Variants in SH3D19 observed in about 807,000 individuals in gnomAD.
The protein encoded by SH3D19 is SH3 domain containing 19.
Under a neutral mutation model 112.1 loss-of-function variants are expected in SH3D19, and 58 were observed. The observed-to-expected ratio is 0.52, with a 90% CI of 0.42 to 0.64. The LOEUF is 0.64. Among genes scored for constraint, SH3D19 ranks in the 30% least tolerant of loss-of-function variants. The pLI, the probability that SH3D19 is intolerant of heterozygous loss-of-function variation, is 0.00. For missense variants in SH3D19, 1,090 were observed against 1,263.4 expected (o/e 0.86, Z 2.08); for synonymous variants, 391 against 448.5 (o/e 0.87, Z 1.62).
At chr4:151,280,099 C>A in intron 1 of SH3D19, 1 of 988,100 alleles carries the variant, frequency 1.0e-6, no homozygotes, top group Non-Finnish European at 1.5e-6. Flanking sequence ...CTATCAAACC[C>A]GAAACAACTA....
chr4:151,132,930 T>TA (rs1751032001), intron 16 of SH3D19, 104 bp downstream of exon 16: 4 of 1,004,326 alleles, frequency 4.0e-6, no homozygotes, highest in African/African-American at 1.6e-5. Context: ...CCTTCTACCG[T>TA]AAAAATATGG....
intron 1 of SH3D19, among the ~76,000 whole-genome samples, chr4:151,287,528 C>T (rs1460875312): frequency 1.3e-5 from 2 of 151,910 alleles, no homozygotes; most frequent in Admixed American, 6.6e-5. Flanking sequence ...ACCGGAATGC[C>T]GATTTCATGT....
intron 7 of SH3D19, among the ~76,000 whole-genome samples, chr4:151,168,618 A>G (rs1183292506): frequency 6.6e-6 from 1 of 151,920 alleles, no homozygotes; most frequent in Non-Finnish European, 1.5e-5. Flanking sequence ...TTTTTTGTAG[A>G]GATGAGGTTT....
chr4:151,164,814 G>A (rs944849068), intron 8 of SH3D19, among the ~76,000 whole-genome samples: 1 of 152,084 alleles, frequency 6.6e-6, no homozygotes, highest in Non-Finnish European at 1.5e-5. Context: ...TCTTGACCTC[G>A]TGATCCACCT....
chr4:151,302,082 C>A (rs753977523), intron 1 of SH3D19, among the ~76,000 whole-genome samples: 1 of 152,164 alleles, frequency 6.6e-6, no homozygotes, highest in South Asian at 2.1e-4. Context: ...ACTCAAGGTA[C>A]CATGTAACTT....
intron 1 of SH3D19, among the ~76,000 whole-genome samples, chr4:151,305,777 T>C (rs1017869995): frequency 5.3e-5 from 8 of 152,234 alleles, no homozygotes; most frequent in Non-Finnish European, 1.2e-4. Context: ...AAATTTATTA[T>C]AAAGTTAAAT....
chr4:151,148,110 G>A lies in SH3D19; in HGVS notation c.1894C>T (p.Leu632Phe). The change falls in exon 11 of 20, where the codon CTT (leucine) becomes TTT (phenylalanine). Residue 632 changes from leucine (L) to phenylalanine (F), a missense_variant. By Grantham distance (22) the Leu-to-Phe change is conservative (BLOSUM62 0). Coordinates refer to ENST00000604030, the MANE Select transcript of SH3D19 (RefSeq NM_001378122.1). ...TTATTAGATCTTCTGGTTGCAGAAA[G>A]CTTTGGGGGAGGTGGTCTCTCAGGG... Reference protein sequence around the residue: ...VPPERPPPPKLSATRRSNKKL... With the variant: ...VPPERPPPPKFSATRRSNKKL... 6.2e-7 allele frequency: 1 copy of A among 1,614,104 alleles called. No homozygotes were observed. Among genetic ancestry groups the A allele is most frequent in the Middle Eastern group, 1.6e-4 (1 of 6,062 alleles).
chr4:151,210,310 T>C lies in SH3D19; in HGVS notation c.152+15737A>G, dbSNP rs140287148. ...GTCTGATAATAGAAAAAGTTTGGTA[T>C]ACTACATGATGAAATGCCATGAAAA... On this transcript the variant is annotated intron_variant, in intron 2 of 19. Transcript: ENST00000604030. Among the ~76,000 whole-genome samples, 222 of 152,170 alleles carry C rather than the reference T, an allele frequency of 1.5e-3. 4 individuals carry two copies. The East Asian group carries it at 0.022, about 15-fold the overall frequency.
rs141035975 is a variant in SH3D19, at chr4:151,139,836, G to A, written c.2235C>T (p.His745=). Residue 745 remains histidine (H), a synonymous_variant, in exon 13 of 20, where the codon CAC becomes CAT. Transcript: ENST00000604030. The part of the protein sequence containing the change: ...HLRSRPNDPS[H]AQKPVDSGAP... ...CACCACTGTCAACAGGCTTCTGAGCGTGGCTTGGATCCTTAGGGGGAGAAA... is the reference window on the plus strand; with the variant it reads ...CACCACTGTCAACAGGCTTCTGAGCATGGCTTGGATCCTTAGGGGGAGAAA... 254 of 1,614,008 alleles carry A rather than the reference G, an allele frequency of 1.6e-4. No homozygotes were observed. The highest frequency in any genetic ancestry group is 1.9e-4 in the Non-Finnish European group (220 of 1,180,000).
chr4:151,180,511 A>C (rs1259624831), intron 3 of SH3D19, among the ~76,000 whole-genome samples: 1 of 144,572 alleles, frequency 6.9e-6, no homozygotes, highest in Non-Finnish European at 1.5e-5. Context: ...GGTTCACACC[A>C]TTCTCTTGCC....
chr4:151,175,786 A>T (rs748830426), intron 6 of SH3D19, 112 bp from the exon 7 acceptor site: 2 of 1,054,832 alleles, frequency 1.9e-6, no homozygotes, highest in African/African-American at 3.3e-5. Flanking sequence ...ATGGAATATC[A>T]AGAGATTTTG....
chr4:151,307,831 C>T (rs17690584), intron 1 of SH3D19, among the ~76,000 whole-genome samples: 6,827 of 152,306 alleles, frequency 0.045, 372 homozygotes, highest in African/African-American at 0.11. Flanking sequence ...TGCCTTCCAA[C>T]CTTGTGTACA....
At chr4:151,123,397 C>T (rs181283640) in intron 19 of SH3D19, among the ~76,000 whole-genome samples, 1 of 152,332 alleles carries the variant, frequency 6.6e-6, no homozygotes, top group Non-Finnish European at 1.5e-5. Flanking sequence ...TTGCACTCTA[C>T]ATTTATTCTT....
intron 9 of SH3D19, among the ~76,000 whole-genome samples, chr4:151,151,640 G>A (rs1360975453): frequency 6.6e-6 from 1 of 151,986 alleles, no homozygotes; most frequent in East Asian, 1.9e-4. Context: ...TTAAAACTTG[G>A]TTTCACTAAT....
intron 2 of SH3D19, among the ~76,000 whole-genome samples, chr4:151,216,453 C>A (rs1193666853): frequency 1.3e-5 from 2 of 152,164 alleles, no homozygotes; most frequent in African/African-American, 4.8e-5. Context: ...TGACTACAGG[C>A]TGTTTAACCA....
At chr4:151,130,523 G>T (rs1321498986) in intron 17 of SH3D19, among the ~76,000 whole-genome samples, 1 of 152,126 alleles carries the variant, frequency 6.6e-6, no homozygotes, top group Admixed American at 6.5e-5. Context: ...CACATTCCTA[G>T]TACCTTTAAG....
chr4:151,218,799 A>C (rs1399018024), intron 2 of SH3D19, among the ~76,000 whole-genome samples: 1 of 152,120 alleles, frequency 6.6e-6, no homozygotes, highest in East Asian at 1.9e-4. Flanking sequence ...ACAATGTATT[A>C]TTTGTGTTTT....
intron 1 of SH3D19, among the ~76,000 whole-genome samples, chr4:151,267,248 T>C (rs370115495): frequency 7.2e-5 from 11 of 151,880 alleles, no homozygotes; most frequent in African/African-American, 2.4e-4. Flanking sequence ...GGTGGGAGGA[T>C]TGATTAAGCC....
intron 1 of SH3D19, among the ~76,000 whole-genome samples, chr4:151,318,300 CAAA>C (rs752720803): frequency 3.7e-5 from 2 of 54,482 alleles, no homozygotes; most frequent in African/African-American, 1.3e-4. Context: ...GACTCTGACT[CAAA>C]AAAAAAAAAA....
Sources: gnomAD v4.1 joint callset for allele counts (sites outside exome capture counted in the v4.1 genomes callset) on GRCh38, gnomAD v4.1.1 for gene constraint, MANE v1.5 for transcripts, NCBI Gene and HGNC (gene_info 2026-07-23, HGNC 2026-07-21) for gene names.